Variants in GRM4 observed in about 807,000 individuals in gnomAD.
GRM4 encodes glutamate metabotropic receptor 4.
A neutral mutation model predicts 81.7 loss-of-function variants in GRM4; 28 were observed. That is an observed-to-expected ratio of 0.34 (90% CI 0.25 to 0.47). The LOEUF (loss-of-function observed/expected upper bound fraction) is 0.47. Among genes scored for constraint, GRM4 ranks in the 20% least tolerant of loss-of-function variants. GRM4 has a pLI of 1.00. For synonymous variants in GRM4, 488 were observed against 528.8 expected (o/e 0.92, Z 1.06); for missense variants, 948 against 1,290.0 (o/e 0.73, Z 4.06).
At chr6:34,116,912 C>T (rs967349688) in intron 2 of GRM4, among the ~76,000 whole-genome samples, 2 of 152,202 alleles carry the variant, frequency 1.3e-5, no homozygotes, top group Non-Finnish European at 2.9e-5. Flanking sequence ...AGAAGCTGGA[C>T]ATAAAAACCT....
rs761084834 is a variant in GRM4 at position 34,036,196 on chromosome 6, G to A, written c.1914C>T (p.Ala638=). The A allele has an allele frequency of 3.1e-6, 5 of 1,614,200 alleles. No individual in the cohort carries two copies. The highest frequency in any genetic ancestry group is 4.2e-6 in the Non-Finnish European group (5 of 1,180,006). ...VLLAGIFLCY[A]TTFLMIAEPD... is the part of the protein sequence containing the mutation. ...GCTCAGCGATCATGAGGAAGGTGGT[G>A]GCATAGCACAGGAAGATGCCTGCCA... Residue 638 remains alanine (A), a synonymous_variant, in exon 9 of 11, where the codon GCC becomes GCT. Coordinates refer to ENST00000538487, the MANE Select transcript of GRM4 (RefSeq NM_000841.4). The surrounding 1 kb of genome is among the most constrained non-coding windows in gnomAD (Gnocchi z 9.0).
At position 34,042,701 on chromosome 6, in the gene GRM4, G is replaced by C. The variant is rs1459323396; in HGVS notation, c.1169-1953C>G. Reference sequence around the variant, plus strand: ...TCCTGCCCCCATAGGCCAGGGTTAAGCTGGGTCCACATGAGGCAGTGATTC... The same window carrying C: ...TCCTGCCCCCATAGGCCAGGGTTAACCTGGGTCCACATGAGGCAGTGATTC... On this transcript the variant is annotated intron_variant, in intron 6 of 10. Transcript: ENST00000538487. This position sits in a 1 kb window ranked among gnomAD's most constrained non-coding sequence, Gnocchi z 4.2. 6.6e-6 allele frequency among the ~76,000 whole-genome samples: 1 copy of C among 152,196 alleles called. No individual in the cohort carries two copies. The highest frequency in any genetic ancestry group is 1.5e-5 in the Non-Finnish European group (1 of 68,022).
chr6:34,132,939 G>A (rs202232361), intron 2 of GRM4, 39 bp downstream of exon 2: 77 of 1,526,228 alleles, frequency 5.0e-5, no homozygotes, highest in Non-Finnish European at 6.4e-5. Context: ...AGAGTCCGTT[G>A]GGGGAAGAGC....
At position 34,070,180 on chromosome 6, in the gene GRM4, C is replaced by G. The variant is rs1766738943; in HGVS notation, c.737-8152G>C. Among the ~76,000 whole-genome samples, 1 of 152,148 alleles carries G rather than the reference C, an allele frequency of 6.6e-6. No homozygotes were observed. The highest frequency in any genetic ancestry group is 1.5e-5 in the Non-Finnish European group (1 of 68,030). On this transcript the variant is annotated intron_variant, in intron 3 of 10. Coordinates refer to ENST00000538487, the MANE Select transcript of GRM4 (RefSeq NM_000841.4). The surrounding 1 kb of genome is among the most constrained non-coding windows in gnomAD (Gnocchi z 4.6). Reference sequence around the variant, plus strand: ...TGACCTCCCCTCTGAGCTGCCACCTCCTTACATGCACAGCCACTGGACACC... The same window carrying G: ...TGACCTCCCCTCTGAGCTGCCACCTGCTTACATGCACAGCCACTGGACACC...
chr6:34,085,330 G>A (rs1173109134), intron 3 of GRM4, among the ~76,000 whole-genome samples: 1 of 152,222 alleles, frequency 6.6e-6, no homozygotes, highest in African/African-American at 2.4e-5. Context: ...AGGAATGGCA[G>A]GAGGCGCACC....
Position 34,035,906 on chromosome 6 carries a change from A to C in GRM4, c.2204T>G (p.Leu735Arg). 1 of 1,608,392 alleles carries C rather than the reference A, an allele frequency of 6.2e-7. No homozygotes were observed. The highest frequency in any genetic ancestry group is 8.5e-7 in the Non-Finnish European group (1 of 1,175,464). ...CACACCCCTGGCGAAGCGGGGGTCG[A>C]GTGTCCGCTGGTCCTGGAAGTCCAC... ...SVVDFQDQRT[L>R]DPRFARGVLK... The change falls in exon 9 of 11, where the codon CTC (leucine) becomes CGC (arginine). Residue 735 changes from leucine to arginine, a missense_variant. Coordinates refer to ENST00000538487, the MANE Select transcript of GRM4 (RefSeq NM_000841.4). The surrounding 1 kb of genome is among the most constrained non-coding windows in gnomAD (Gnocchi z 6.6).
Position 34,155,243 on chromosome 6 carries a change from A to AG in GRM4, c.147dup (p.Phe50LeufsTer40). 6.5e-7 allele frequency: 1 copy of AG among 1,535,300 alleles called. No homozygotes were observed. The highest frequency in any genetic ancestry group is 8.7e-7 in the Non-Finnish European group (1 of 1,146,538). ...ACCCACACACACCGGCAAAATCCAA[A>AG]GGACCTGGGCGGGAGGCGGCAGGTG... is the stretch of plus-strand genomic sequence containing the variant. On this transcript the variant is annotated frameshift_variant, in exon 1 of 9. Transcript: ENST00000374177. LOFTEE classifies it high-confidence loss of function.
intron 2 of GRM4, chr6:34,103,857 G>C: frequency 2.8e-6 from 4 of 1,416,062 alleles, no homozygotes; most frequent in Non-Finnish European, 3.7e-6. Flanking sequence ...GGCACTGCGA[G>C]GGTCCCGAGG....
intron 2 of GRM4, among the ~76,000 whole-genome samples, chr6:34,117,700 C>T (rs926589562): frequency 7.9e-5 from 12 of 152,186 alleles, no homozygotes; most frequent in African/African-American, 1.7e-4. Flanking sequence ...CCACATCCAC[C>T]TCCTCACCTG....
intron 3 of GRM4, among the ~76,000 whole-genome samples, chr6:34,087,595 G>A (rs568119676): frequency 2.0e-5 from 3 of 151,928 alleles, no homozygotes; most frequent in South Asian, 2.1e-4. Context: ...CGGGAGGGAA[G>A]GGCAGCCTCC....
intron 1 of GRM4, among the ~76,000 whole-genome samples, chr6:34,137,517 T>G (rs1252330390): frequency 6.6e-6 from 1 of 151,946 alleles, no homozygotes; most frequent in African/African-American, 2.4e-5. Context: ...AGCTGGGACC[T>G]CTCTGTTATC....
rs1001549428 is a variant in GRM4 at position 34,022,958 on chromosome 6, A to G, written c.2690-88T>C. The G allele has an allele frequency of 1.0e-6, 1 of 1,003,636 alleles. No homozygotes were observed. Among genetic ancestry groups the G allele is most frequent in the Admixed American group, 1.7e-5 (1 of 57,276 alleles). The allele number at this position is 1,003,636 out of a possible 1,614,324, so 62.2% of individuals were successfully genotyped here. ...CACATGGGCACAGCCCTGCACAAGA[A>G]CCTACCATAGCTCCCCGCCTCTCAT... is the stretch of plus-strand genomic sequence containing the variant. On this transcript the variant is annotated intron_variant, in intron 10 of 10. Coordinates refer to ENST00000538487, the MANE Select transcript of GRM4 (RefSeq NM_000841.4). This position sits in a 1 kb window ranked among gnomAD's most constrained non-coding sequence, Gnocchi z 5.6.
intron 5 of GRM4, among the ~76,000 whole-genome samples, chr6:34,058,715 C>T (rs1750064221): frequency 6.6e-6 from 1 of 152,176 alleles, no homozygotes; most frequent in Admixed American, 6.5e-5. Flanking sequence ...CAGCAGCGGA[C>T]TCTCCACACA....
At chr6:34,146,339 T>C (rs569407948), upstream of GRM4, among the ~76,000 whole-genome samples, 1 of 152,200 alleles carries the variant, frequency 6.6e-6, no homozygotes, top group East Asian at 1.9e-4. Flanking sequence ...CCCACCAGGC[T>C]AGGGAAACAC....
chr6:34,031,359 G>A (rs1390091632), intron 9 of GRM4, among the ~76,000 whole-genome samples: 1 of 152,216 alleles, frequency 6.6e-6, no homozygotes, highest in African/African-American at 2.4e-5. Flanking sequence ...TGGTGAAGGA[G>A]CTTGTCTGAG....
At chr6:34,076,267 C>T (rs1474243509) in intron 3 of GRM4, among the ~76,000 whole-genome samples, 1 of 152,182 alleles carries the variant, frequency 6.6e-6, no homozygotes, top group African/African-American at 2.4e-5. Flanking sequence ...TCGATGCCCC[C>T]TCCCACCCAC....
In GRM4 at chr6:34,068,865, G is replaced by T. The variant is rs1906954; in HGVS notation, c.737-6837C>A. Among the ~76,000 whole-genome samples the T allele has an allele frequency of 0.063, 9,606 of 152,160 alleles. 412 individuals are homozygous for T. Among genetic ancestry groups the T allele is most frequent in the East Asian group, 0.18 (927 of 5,154 alleles). On this transcript the variant is annotated intron_variant, in intron 3 of 10. Coordinates refer to ENST00000538487, the MANE Select transcript of GRM4 (RefSeq NM_000841.4). The surrounding 1 kb of genome is among the most constrained non-coding windows in gnomAD (Gnocchi z 4.2). Reference sequence around the variant, plus strand: ...TGGTCTCCAGGCCCGGCCTCTCGGGGCCCAGCCAGCTGGTCCTGAGGCCAG... The same window carrying T: ...TGGTCTCCAGGCCCGGCCTCTCGGGTCCCAGCCAGCTGGTCCTGAGGCCAG...
intron 2 of GRM4, among the ~76,000 whole-genome samples, chr6:34,127,054 T>G (rs557545405): frequency 6.6e-6 from 1 of 152,330 alleles, no homozygotes; most frequent in South Asian, 2.1e-4. Flanking sequence ...TTCAACCCTT[T>G]AAAACATAAA....
upstream of GRM4, among the ~76,000 whole-genome samples, chr6:34,148,951 G>A (rs1449449434): frequency 6.6e-6 from 1 of 152,188 alleles, no homozygotes; most frequent in Admixed American, 6.5e-5. Context: ...AGGGGAAGGG[G>A]AAGGGTGAAG....
Sources: allele counts gnomAD v4.1 joint callset (sites outside exome capture counted in the v4.1 genomes callset), GRCh38; gene constraint gnomAD v4.1.1; non-coding constraint Gnocchi (gnomAD v3.1); transcripts MANE v1.5; gene names NCBI Gene and HGNC (gene_info 2026-07-23, HGNC 2026-07-21).